NCAM2: variants seen among roughly 807,000 people sequenced by gnomAD.
NCAM2 encodes neural cell adhesion molecule 2.
NCAM2 carries 30 observed loss-of-function variants against 98.1 expected under a neutral mutation model. That is an observed-to-expected ratio of 0.31 (90% CI 0.23 to 0.41). The LOEUF is 0.41. NCAM2 is among the 10% of genes least tolerant of loss of function. The probability of loss-of-function intolerance (pLI) is 1.00; values close to 1 mark genes in which losing one functional copy is unlikely to be tolerated. For missense variants in NCAM2, 867 were observed against 1,005.8 expected (o/e 0.86, Z 1.87); for synonymous variants, 368 against 342.4 (o/e 1.07, Z -0.83).
chr21:21,205,030 A>G (rs2069382407), intron 1 of NCAM2, among the ~76,000 whole-genome samples: 1 of 151,264 alleles, frequency 6.6e-6, no homozygotes, highest in Non-Finnish European at 1.5e-5. Flanking sequence ...CTGCAAAATA[A>G]CATATATATA....
chr21:21,103,293 GAC>G (rs998134047), intron 1 of NCAM2, among the ~76,000 whole-genome samples: 2 of 151,906 alleles, frequency 1.3e-5, no homozygotes, highest in African/African-American at 4.8e-5. Flanking sequence ...CCCAGATCTG[GAC>G]ACTTTTCATT....
intron 1 of NCAM2, among the ~76,000 whole-genome samples, chr21:21,148,198 AT>A (rs1344626814): frequency 3.3e-5 from 5 of 152,182 alleles, no homozygotes; most frequent in African/African-American, 1.2e-4. Flanking sequence ...ATACTCAGAA[AT>A]TATGTTTGAT....
chr21:21,342,420 C>T (rs1475822521), intron 8 of NCAM2, among the ~76,000 whole-genome samples: 1 of 152,172 alleles, frequency 6.6e-6, no homozygotes, highest in African/African-American at 2.4e-5. Context: ...GAGAAGCCAA[C>T]ATGGCTCACT....
At chr21:21,363,522 A>G (rs745549304) in intron 8 of NCAM2, among the ~76,000 whole-genome samples, 5 of 152,108 alleles carry the variant, frequency 3.3e-5, no homozygotes, top group Non-Finnish European at 7.4e-5. Flanking sequence ...AAAGATACAT[A>G]TAATTTTCTA....
At chr21:21,419,052 A>G (rs549810953) in intron 11 of NCAM2, among the ~76,000 whole-genome samples, 2 of 152,304 alleles carry the variant, frequency 1.3e-5, no homozygotes, top group African/African-American at 4.8e-5. Flanking sequence ...TAGCGTGTCT[A>G]TAACAAAAAT....
At chr21:21,083,109 ATAG>A (rs1161573773) in intron 1 of NCAM2, among the ~76,000 whole-genome samples, 11 of 152,312 alleles carry the variant, frequency 7.2e-5, no homozygotes, top group East Asian at 3.9e-4. Flanking sequence ...ATAATCAGTA[ATAG>A]TAGTAGTAAC....
intron 1 of NCAM2, among the ~76,000 whole-genome samples, chr21:21,142,382 T>TTG (rs1477759639): frequency 7.1e-6 from 1 of 141,642 alleles, no homozygotes; most frequent in Non-Finnish European, 1.5e-5. Flanking sequence ...TTTATGTTTT[T>TTG]TTTTTTTTTT....
intron 1 of NCAM2, among the ~76,000 whole-genome samples, chr21:21,157,623 T>C (rs2067655170): frequency 6.6e-6 from 1 of 152,106 alleles, no homozygotes; most frequent in Admixed American, 6.6e-5. Flanking sequence ...TTATAAAATC[T>C]CCAGAGTGAG....
At chr21:21,508,349 G>T (rs973954347) in intron 15 of NCAM2, among the ~76,000 whole-genome samples, 1 of 151,972 alleles carries the variant, frequency 6.6e-6, no homozygotes, top group African/African-American at 2.4e-5. Flanking sequence ...AAAATAACGC[G>T]CTCAGAACCA....
At chr21:21,052,150 ATTTTTTTTTTTTT>A (rs5842877) in intron 1 of NCAM2, among the ~76,000 whole-genome samples, 6 of 74,808 alleles carry the variant, frequency 8.0e-5, no homozygotes, top group African/African-American at 1.2e-4. Context: ...CATGATGGCC[ATTTTTTTTTTTTT>A]TTTTTTTTTT....
intron 10 of NCAM2, among the ~76,000 whole-genome samples, chr21:21,411,733 G>C (rs777730510): frequency 2.0e-5 from 3 of 151,988 alleles, no homozygotes; most frequent in Non-Finnish European, 4.4e-5. Context: ...TTAGAATACC[G>C]TCTAATATCC....
intron 9 of NCAM2, among the ~76,000 whole-genome samples, chr21:21,375,073 T>TAG (rs1316609015): frequency 1.3e-5 from 2 of 150,920 alleles, no homozygotes; most frequent in Non-Finnish European, 3.0e-5. Context: ...AAATGAGGAG[T>TAG]TACTGGGTGC....
chr21:21,364,254 G>A (rs1046220252), intron 8 of NCAM2, among the ~76,000 whole-genome samples: 5 of 151,556 alleles, frequency 3.3e-5, no homozygotes, highest in Non-Finnish European at 5.9e-5. Flanking sequence ...AATAAATATA[G>A]GCATATTTAT....
chr21:21,032,816 G>C (rs1196736358), intron 1 of NCAM2, among the ~76,000 whole-genome samples: 3 of 152,064 alleles, frequency 2.0e-5, no homozygotes, highest in Admixed American at 6.5e-5. Context: ...CAGTATTTTT[G>C]TGTGACCTGA....
At chr21:21,450,790 GTA>G (rs1555898551) in intron 12 of NCAM2, among the ~76,000 whole-genome samples, 1 of 79,420 alleles carries the variant, frequency 1.3e-5, no homozygotes, top group African/African-American at 4.4e-5. Context: ...ATGTATGTAT[GTA>G]TACACACACA....
At chr21:21,010,716 A>T (rs939524731) in intron 1 of NCAM2, among the ~76,000 whole-genome samples, 11 of 152,126 alleles carry the variant, frequency 7.2e-5, no homozygotes, top group Admixed American at 2.6e-4. Context: ...CATGCCTTTT[A>T]CCTCATTTTA....
At chr21:21,439,584 T>A (rs952231334) in intron 12 of NCAM2, among the ~76,000 whole-genome samples, 3 of 152,330 alleles carry the variant, frequency 2.0e-5, no homozygotes, top group Non-Finnish European at 4.4e-5. Context: ...ATATAGATTT[T>A]GATTTATAAT....
chr21:21,046,021 C>T (rs997012657), intron 1 of NCAM2, among the ~76,000 whole-genome samples: 1 of 152,178 alleles, frequency 6.6e-6, no homozygotes, highest in African/African-American at 2.4e-5. Context: ...CTTATCTCCT[C>T]TGTGGCTCAG....
At chr21:21,519,632 A>G (rs1297013586) in intron 16 of NCAM2, among the ~76,000 whole-genome samples, 2 of 152,144 alleles carry the variant, frequency 1.3e-5, no homozygotes, top group Non-Finnish European at 2.9e-5. Flanking sequence ...ACCTTAAGGA[A>G]TTGGGAAAAT....
Sources: allele counts gnomAD v4.1 joint callset (sites outside exome capture counted in the v4.1 genomes callset), GRCh38; gene constraint gnomAD v4.1.1; transcripts MANE v1.5; gene names NCBI Gene and HGNC (gene_info 2026-07-23, HGNC 2026-07-21).